Variants in ADAMTS3 observed in about 807,000 individuals in gnomAD.
The protein encoded by ADAMTS3 is A disintegrin and metalloproteinase with thrombospondin motifs 3.
Under a neutral mutation model 129.0 loss-of-function variants are expected in ADAMTS3, and 73 were observed. The ratio of observed to expected loss-of-function variants is 0.57; its 90% CI spans 0.47 to 0.69. ADAMTS3 has a LOEUF of 0.69. ADAMTS3 is among the 30% of genes least tolerant of loss of function. The pLI, the probability that ADAMTS3 is intolerant of heterozygous loss-of-function variation, is 0.00. For synonymous variants in ADAMTS3, 477 were observed against 510.8 expected (o/e 0.93, Z 0.89); for missense variants, 1,457 against 1,514.5 (o/e 0.96, Z 0.63).
At chr4:72,471,919 T>A (rs998928311) in intron 3 of ADAMTS3, among the ~76,000 whole-genome samples, 2 of 152,022 alleles carry the variant, frequency 1.3e-5, no homozygotes, top group Non-Finnish European at 2.9e-5. Flanking sequence ...AAGTCAAAAA[T>A]TGTCAGAACT....
chr4:72,433,365 T>C (rs957989099), intron 3 of ADAMTS3, among the ~76,000 whole-genome samples: 2 of 151,938 alleles, frequency 1.3e-5, no homozygotes, highest in Admixed American at 6.6e-5. Flanking sequence ...ATTCTTGTTC[T>C]GAGATGCATT....
At chr4:72,353,421 G>A (rs1578607804) in intron 4 of ADAMTS3, among the ~76,000 whole-genome samples, 1 of 151,984 alleles carries the variant, frequency 6.6e-6, no homozygotes, top group Non-Finnish European at 1.5e-5. Flanking sequence ...AAAAACAGTG[G>A]CTTTCTGTAG....
intron 4 of ADAMTS3, among the ~76,000 whole-genome samples, chr4:72,383,254 A>G (rs1721342723): frequency 6.6e-6 from 1 of 152,196 alleles, no homozygotes; most frequent in Non-Finnish European, 1.5e-5. Context: ...AAATAGAAAA[A>G]AAAGCAGCTT....
At position 72,458,186 on chromosome 4, in the gene ADAMTS3, C is replaced by T. The variant is rs115173438; in HGVS notation, c.505-43215G>A. On this transcript the variant is annotated intron_variant, in intron 3 of 21. Coordinates refer to ENST00000286657, the MANE Select transcript of ADAMTS3 (RefSeq NM_014243.3). ...AGGAAGGAAGACAGAACTCTAGGAC[C>T]ATATTTTAGATTATTACAGTATAGT... 6.1e-3 allele frequency among the ~76,000 whole-genome samples: 924 copies of T among 151,526 alleles called. 4 individuals are homozygous for T. The highest frequency in any genetic ancestry group is 0.021 in the African/African-American group (882 of 41,382).
rs1250574542 is a variant in ADAMTS3, at chr4:72,556,589, A to G, written c.98-7705T>C. On this transcript the variant is annotated intron_variant, in intron 2 of 21. Coordinates refer to ENST00000286657, the MANE Select transcript of ADAMTS3 (RefSeq NM_014243.3). ...ACTTGTGATTGATGCATATGGCTCC[A>G]AGCAAGGAAGAGATTTGGGTATGAT... Among the ~76,000 whole-genome samples the G allele has an allele frequency of 1.3e-5, 2 of 151,798 alleles. 1 individual carries two copies. The highest frequency in any genetic ancestry group is 4.9e-5 in the African/African-American group (2 of 41,090).
chr4:72,283,260 G>A lies in ADAMTS3; in HGVS notation c.3494C>T (p.Ala1165Val). The A allele has an allele frequency of 6.2e-7, 1 of 1,614,074 alleles. No individual in the cohort carries two copies. The highest frequency in any genetic ancestry group is 8.5e-7 in the Non-Finnish European group (1 of 1,179,968). ...ACTGGCTGCAAAGAAGGAAGCAGCA[G>A]CCATTTGTGAAGCTGAACTGAGGTG... ...RVHLSSASQM[A>V]AASFFAASDS... The change falls in exon 22 of 22, where the codon GCT (alanine) becomes GTT (valine). Residue 1165 changes from alanine to valine, a missense_variant. By Grantham distance (64) the Ala-to-Val change is moderately conservative (BLOSUM62 0). Transcript: ENST00000286657.
intron 3 of ADAMTS3, among the ~76,000 whole-genome samples, chr4:72,526,722 AT>A (rs1299696916): frequency 1.1e-3 from 111 of 97,502 alleles, no homozygotes; most frequent in African/African-American, 4.4e-3. Context: ...GACAGAAAAA[AT>A]ATATACATAC....
intron 3 of ADAMTS3, among the ~76,000 whole-genome samples, chr4:72,478,417 T>C (rs369665350): frequency 2.0e-5 from 3 of 149,634 alleles, no homozygotes; most frequent in Non-Finnish European, 4.4e-5. Context: ...TAATCCAGCA[T>C]ATAAACAGAA....
chr4:72,516,546 C>T (rs1720486537), intron 3 of ADAMTS3, among the ~76,000 whole-genome samples: 1 of 151,982 alleles, frequency 6.6e-6, no homozygotes, highest in Non-Finnish European at 1.5e-5. Context: ...TGAAGAGGTC[C>T]TTCATGTCCC....
intron 2 of ADAMTS3, among the ~76,000 whole-genome samples, chr4:72,549,962 A>G (rs865844591): frequency 3.6e-4 from 11 of 30,910 alleles, no homozygotes; most frequent in East Asian, 1.3e-3. Flanking sequence ...AAAAAAAAAA[A>G]AAGAAGAAGA....
intron 2 of ADAMTS3, among the ~76,000 whole-genome samples, chr4:72,557,705 A>C (rs1377909754): frequency 2.6e-5 from 4 of 151,884 alleles, no homozygotes; most frequent in Non-Finnish European, 4.4e-5. Context: ...TTTAGGAAAG[A>C]ACAACACATT....
At chr4:72,422,432 A>T (rs1348217590) in intron 3 of ADAMTS3, among the ~76,000 whole-genome samples, 1 of 151,890 alleles carries the variant, frequency 6.6e-6, no homozygotes, top group African/African-American at 2.4e-5. Context: ...TTTAACACTA[A>T]TTTTTTTTAA....
At chr4:72,489,127 T>G (rs1016570866) in intron 3 of ADAMTS3, among the ~76,000 whole-genome samples, 1 of 151,986 alleles carries the variant, frequency 6.6e-6, no homozygotes, top group Admixed American at 6.6e-5. Context: ...TTTCTAAAGC[T>G]GAATAAAGGT....
intron 16 of ADAMTS3, among the ~76,000 whole-genome samples, chr4:72,305,092 C>T (rs370478669): frequency 5.9e-5 from 9 of 151,974 alleles, no homozygotes; most frequent in African/African-American, 1.9e-4. Context: ...GGAGTTGATA[C>T]GTGATGTCTT....
At chr4:72,360,609 T>C (rs1452134096) in intron 4 of ADAMTS3, among the ~76,000 whole-genome samples, 1 of 152,050 alleles carries the variant, frequency 6.6e-6, no homozygotes, top group Non-Finnish European at 1.5e-5. Context: ...GATTTCTGTG[T>C]TATGGAAACA....
At position 72,556,475 on chromosome 4, in the gene ADAMTS3, G is replaced by A. The variant is rs28572669; in HGVS notation, c.98-7591C>T. Among the ~76,000 whole-genome samples the A allele has an allele frequency of 1.5e-3, 225 of 151,730 alleles. 1 individual carries two copies. Among genetic ancestry groups the A allele is most frequent in the South Asian group, 2.7e-3 (13 of 4,822 alleles). On this transcript the variant is annotated intron_variant, in intron 2 of 21. Coordinates refer to ENST00000286657, the MANE Select transcript of ADAMTS3 (RefSeq NM_014243.3). ...TGTCAACATTGCAATGACTTTGAGCGACTTCAGTATAAATCTCTTATATGT... is the reference window on the plus strand; with the variant it reads ...TGTCAACATTGCAATGACTTTGAGCAACTTCAGTATAAATCTCTTATATGT...
intron 3 of ADAMTS3, among the ~76,000 whole-genome samples, chr4:72,504,347 T>A (rs934916434): frequency 6.6e-6 from 1 of 152,222 alleles, no homozygotes; most frequent in Non-Finnish European, 1.5e-5. Context: ...TGGTGAAATA[T>A]GAAATTCTTG....
At chr4:72,541,093 T>C (rs1721312253) in intron 3 of ADAMTS3, among the ~76,000 whole-genome samples, 1 of 152,134 alleles carries the variant, frequency 6.6e-6, no homozygotes, top group African/African-American at 2.4e-5. Flanking sequence ...CAGCCCATGA[T>C]AGCAGCTAGG....
chr4:72,534,969 T>C (rs928391305), intron 3 of ADAMTS3, among the ~76,000 whole-genome samples: 1 of 152,194 alleles, frequency 6.6e-6, no homozygotes, highest in Non-Finnish European at 1.5e-5. Context: ...TCTTCTCTCA[T>C]TTTTATATGC....
Sources: allele counts gnomAD v4.1 joint callset (sites outside exome capture counted in the v4.1 genomes callset), GRCh38; gene constraint gnomAD v4.1.1; transcripts MANE v1.5; gene names NCBI Gene and HGNC (gene_info 2026-07-23, HGNC 2026-07-21).